The following EBF1 variants were observed in gnomAD, a reference collection of about 807,000 sequenced individuals.
EBF1 encodes the protein EBF transcription factor 1.
A neutral mutation model predicts 68.4 loss-of-function variants in EBF1; 10 were observed. That is an observed-to-expected ratio of 0.15 (90% CI 0.09 to 0.25). The LOEUF (loss-of-function observed/expected upper bound fraction) is 0.25, where lower values mean the gene tolerates loss of function less well. Among genes scored for constraint, EBF1 ranks in the 10% least tolerant of loss-of-function variants. EBF1 has a pLI of 1.00. For missense variants in EBF1, 509 were observed against 794.4 expected, an observed-to-expected ratio of 0.64 and a Z score of 4.32; for synonymous variants, 298 against 299.8, an observed-to-expected ratio of 0.99 and a Z score of 0.06.
At chr5:158,989,669 A>C (rs949512607) in intron 6 of EBF1, among the ~76,000 whole-genome samples, 4 of 152,158 alleles carry the variant, frequency 2.6e-5, no homozygotes, top group African/African-American at 4.8e-5. Flanking sequence ...AGCAGTAATG[A>C]CTTCAAAACT....
Position 159,075,236 on chromosome 5 carries a change from C to A in EBF1, c.486-1772G>T, listed in dbSNP as rs73818930. ...AGGGTATAAAGACTTGGCTTCATGACTAGCCTCACTAAAGCCACAATGAAG... is the reference window on the plus strand; with the variant it reads ...AGGGTATAAAGACTTGGCTTCATGAATAGCCTCACTAAAGCCACAATGAAG... On this transcript the variant is annotated intron_variant, in intron 5 of 15. Coordinates refer to ENST00000313708, the MANE Select transcript of EBF1 (RefSeq NM_024007.5). Among the ~76,000 whole-genome samples, 260 of 152,262 alleles carry A rather than the reference C, an allele frequency of 1.7e-3. 2 individuals are homozygous for A. The highest frequency in any genetic ancestry group is 6.1e-3 in the African/African-American group (255 of 41,552).
chr5:158,963,454 T>C (rs1753460637), intron 6 of EBF1, among the ~76,000 whole-genome samples: 1 of 152,180 alleles, frequency 6.6e-6, no homozygotes, highest in Non-Finnish European at 1.5e-5. Flanking sequence ...TAGAGAATAC[T>C]CCGAAGTCCA....
chr5:158,929,193 G>C (rs1810330635), intron 6 of EBF1, among the ~76,000 whole-genome samples: 1 of 152,132 alleles, frequency 6.6e-6, no homozygotes, highest in Admixed American at 6.5e-5. Flanking sequence ...AATATTAAAA[G>C]ATTTAGAGCG....
intron 6 of EBF1, among the ~76,000 whole-genome samples, chr5:158,853,736 C>A (rs1793432893): frequency 6.6e-6 from 1 of 152,162 alleles, no homozygotes; most frequent in Admixed American, 6.5e-5. Context: ...CTTCAATATT[C>A]TTAAGTCTAT....
At chr5:158,851,357 A>G (rs781444973) in intron 6 of EBF1, among the ~76,000 whole-genome samples, 5 of 127,644 alleles carry the variant, frequency 3.9e-5, no homozygotes, top group Non-Finnish European at 6.6e-5. Context: ...GCTGTCAAGA[A>G]AGGGAAGAAG....
At chr5:158,734,125 T>G (rs1205776976) in intron 10 of EBF1, among the ~76,000 whole-genome samples, 2 of 152,176 alleles carry the variant, frequency 1.3e-5, no homozygotes, top group Admixed American at 1.3e-4. Flanking sequence ...TATAGTTACT[T>G]TTTTTAAACA....
At chr5:158,848,899 G>A (rs1214100761) in intron 6 of EBF1, among the ~76,000 whole-genome samples, 1 of 152,194 alleles carries the variant, frequency 6.6e-6, no homozygotes, top group East Asian at 1.9e-4. Context: ...GAGGCATACA[G>A]TTCTGCCTGG....
chr5:158,794,867 G>C (rs1469517580), intron 9 of EBF1, among the ~76,000 whole-genome samples: 2 of 152,146 alleles, frequency 1.3e-5, no homozygotes, highest in Admixed American at 1.3e-4. Context: ...ACAAAACATA[G>C]AGTACAGTTG....
Position 158,985,600 on chromosome 5 carries a change from C to T in EBF1, c.554+87796G>A, listed in dbSNP as rs145232855. 3.6e-3 allele frequency among the ~76,000 whole-genome samples: 553 copies of T among 152,326 alleles called. 3 individuals are homozygous for T. Among genetic ancestry groups the T allele is most frequent in the African/African-American group, 0.012 (506 of 41,572 alleles). ...AATGCAAAGATCTCTTTTCTCCCTG[C>T]ATCTACTTTTTTGTTTGTTTTTAAC... On this transcript the variant is annotated intron_variant, in intron 6 of 15. Transcript: ENST00000313708.
At chr5:158,775,050 T>C (rs1774818418) in intron 10 of EBF1, among the ~76,000 whole-genome samples, 1 of 152,086 alleles carries the variant, frequency 6.6e-6, no homozygotes. Context: ...AGAAGCATTT[T>C]TTCATACCTT....
At chr5:159,083,077 A>G (rs1344132134) in intron 5 of EBF1, among the ~76,000 whole-genome samples, 1 of 152,230 alleles carries the variant, frequency 6.6e-6, no homozygotes, top group South Asian at 2.1e-4. Context: ...TGAGATGCAA[A>G]TCTATGATAT....
At chr5:158,794,508 C>T (rs1779271811) in intron 9 of EBF1, among the ~76,000 whole-genome samples, 1 of 152,112 alleles carries the variant, frequency 6.6e-6, no homozygotes. Context: ...TGTCCTTATT[C>T]CATATTCAAT....
At chr5:158,857,514 T>C (rs1794265004) in intron 6 of EBF1, among the ~76,000 whole-genome samples, 1 of 152,160 alleles carries the variant, frequency 6.6e-6, no homozygotes, top group African/African-American at 2.4e-5. Context: ...TTTGGTGCTG[T>C]TAATCATTGG....
At chr5:158,791,356 G>A (rs1260266729) in intron 9 of EBF1, among the ~76,000 whole-genome samples, 1 of 149,922 alleles carries the variant, frequency 6.7e-6, no homozygotes, top group Non-Finnish European at 1.5e-5. Flanking sequence ...TAGAATTGTA[G>A]CACTGATTTC....
In EBF1 at chr5:158,952,937, CT is replaced by C. The variant is rs35709742; in HGVS notation, c.555-112828del. Among the ~76,000 whole-genome samples the C allele has an allele frequency of 1.1e-4, 16 of 151,608 alleles. No homozygotes were observed. In the East Asian group the frequency reaches 1.2e-3, roughly 11 times the overall value. On this transcript the variant is annotated intron_variant, in intron 6 of 15. Coordinates refer to ENST00000313708, the MANE Select transcript of EBF1 (RefSeq NM_024007.5). ...TAAAACAACTTCTGCACCAAAGTAC[CT>C]TTTTTTTAGATATTTGGTTACCACT... is the stretch of plus-strand genomic sequence containing the variant.
rs370057951 is a variant in EBF1, at chr5:158,795,227, A to T, written c.909+1118T>A. ...ACAACACAAAGAAATAGGCTAAACC[A>T]GTGTCACGGGAGCACAGCTAGAAAT... On this transcript the variant is annotated intron_variant, in intron 9 of 15. Transcript: ENST00000313708. 1.1e-4 allele frequency among the ~76,000 whole-genome samples: 17 copies of T among 152,318 alleles called. No homozygotes were observed. In the East Asian group the frequency reaches 3.3e-3, roughly 29 times the overall value.
At chr5:158,796,500 G>C (rs1392654213) in intron 8 of EBF1, 25 bp from the exon 9 acceptor site, 3 of 1,603,008 alleles carry the variant, frequency 1.9e-6, no homozygotes, top group African/African-American at 2.7e-5. Context: ...ACATGAAAAA[G>C]AGAAGGAGTC....
intron 9 of EBF1, among the ~76,000 whole-genome samples, chr5:158,793,484 AT>A (rs1005082837): frequency 6.6e-6 from 1 of 151,706 alleles, no homozygotes; most frequent in Non-Finnish European, 1.5e-5. Context: ...ATGAAACCTC[AT>A]TTTTTTTCTT....
At chr5:158,853,892 G>A (rs1384417318) in intron 6 of EBF1, among the ~76,000 whole-genome samples, 3 of 152,146 alleles carry the variant, frequency 2.0e-5, no homozygotes, top group Non-Finnish European at 4.4e-5. Flanking sequence ...AGCCCAGGAA[G>A]GTCAATCAAT....
Sources: gnomAD v4.1 joint callset for allele counts (sites outside exome capture counted in the v4.1 genomes callset) on GRCh38, gnomAD v4.1.1 for gene constraint, MANE v1.5 for transcripts, NCBI Gene and HGNC (gene_info 2026-07-23, HGNC 2026-07-21) for gene names.